Variants in CLINT1 observed in about 807,000 individuals in gnomAD.
CLINT1 encodes the protein clathrin interactor 1.
In CLINT1, 15 loss-of-function variants were observed where a neutral mutation model predicts 70.4. That is an observed-to-expected ratio of 0.21 (90% CI 0.14 to 0.33). The LOEUF is 0.33. Among genes scored for constraint, CLINT1 ranks in the 10% least tolerant of loss-of-function variants. The pLI is 1.00. For synonymous variants in CLINT1, 227 were observed against 254.7 expected (o/e 0.89, Z 1.04); for missense variants, 615 against 778.1 (o/e 0.79, Z 2.49).
At chr5:157,856,882 T>C (rs1223096549) in intron 1 of CLINT1, among the ~76,000 whole-genome samples, 6 of 152,188 alleles carry the variant, frequency 3.9e-5, no homozygotes, top group East Asian at 3.8e-4. Flanking sequence ...ACTACTTACA[T>C]GGCAAATTTA....
Position 157,789,508 on chromosome 5 carries a change from T to C in CLINT1, c.1386A>G (p.Thr462=), listed in dbSNP as rs1222060938. The C allele has an allele frequency of 6.2e-7, 1 of 1,613,976 alleles. No individual in the cohort carries two copies. Among genetic ancestry groups the C allele is most frequent in the Admixed American group, 1.7e-5 (1 of 60,026 alleles). Residue 462 remains threonine (T), a synonymous_variant, in exon 11 of 12, where the codon ACA becomes ACG. Coordinates refer to ENST00000411809, the MANE Select transcript of CLINT1 (RefSeq NM_014666.4). ...TGCTGACTGATTTCTGGACCATATC[T>C]GTATTCTGATTATAGAGAGGATTAG... ...LGLPMSRSQN[T]DMVQKSVSKT...
chr5:157,804,512 A>C (rs1762329156), intron 7 of CLINT1, among the ~76,000 whole-genome samples: 1 of 152,226 alleles, frequency 6.6e-6, no homozygotes, highest in South Asian at 2.1e-4. Flanking sequence ...AAAATACTAT[A>C]TACTGTGATT....
At position 157,814,141 on chromosome 5, in the gene CLINT1, C is replaced by G. The variant is rs1180354581; in HGVS notation, c.352+44G>C. 4.7e-6 allele frequency: 6 copies of G among 1,283,560 alleles called. No homozygotes were observed. In the South Asian group the frequency reaches 7.6e-5, roughly 16 times the overall value. The allele number at this position is 1,283,560 out of a possible 1,614,324, so 79.5% of individuals were successfully genotyped here. On this transcript the variant is annotated intron_variant, in intron 4 of 11. Transcript: ENST00000411809. ...AGCTGGTTCAGGTGACTGACAACTC[C>G]AACTACTGTTTTAATTTGCTTATAA... is the stretch of plus-strand genomic sequence containing the variant.
chr5:157,791,074 T>C (rs1356267334), intron 10 of CLINT1, among the ~76,000 whole-genome samples: 1 of 152,214 alleles, frequency 6.6e-6, no homozygotes, highest in Non-Finnish European at 1.5e-5. Flanking sequence ...TTTCCTTTTT[T>C]TTGAGACGGA....
intron 5 of CLINT1, among the ~76,000 whole-genome samples, chr5:157,810,235 A>G (rs1287534408): frequency 6.6e-6 from 1 of 152,238 alleles, no homozygotes; most frequent in Non-Finnish European, 1.5e-5. Flanking sequence ...GGATAGCAAC[A>G]GTATCTTAAA....
At chr5:157,796,830 G>A (rs925162237) in intron 8 of CLINT1, among the ~76,000 whole-genome samples, 16 of 152,030 alleles carry the variant, frequency 1.1e-4, no homozygotes, top group African/African-American at 3.9e-4. Flanking sequence ...TAGTCAACTA[G>A]CAGCAGGCAT....
intron 8 of CLINT1, among the ~76,000 whole-genome samples, chr5:157,802,413 T>A (rs978546949): frequency 6.6e-6 from 1 of 152,108 alleles, no homozygotes; most frequent in East Asian, 1.9e-4. Context: ...CCTAAAAATA[T>A]CAATTTTCTT....
chr5:157,846,448 TGA>T (rs1753383794), intron 1 of CLINT1, among the ~76,000 whole-genome samples: 1 of 152,142 alleles, frequency 6.6e-6, no homozygotes, highest in African/African-American at 2.4e-5. Flanking sequence ...CTATGAAGGC[TGA>T]GAGAGGTGAG....
chr5:157,840,166 A>G (rs254665), intron 1 of CLINT1, among the ~76,000 whole-genome samples: 75,990 of 139,302 alleles, frequency 0.55, 21,356 homozygotes, highest in East Asian at 0.78. Flanking sequence ...CTGCACTCCA[A>G]CCTGGGCAAC....
rs762507194 is a variant in CLINT1 at position 157,809,813 on chromosome 5, G to A, written c.518-8C>T. The A allele has an allele frequency of 1.2e-5, 19 of 1,603,698 alleles. No homozygotes were observed. The highest frequency in any genetic ancestry group is 5.2e-5 in the Admixed American group (3 of 57,724). ...CAGGATCATATCTTTCACCTAGATA[G>A]AGCATTAAAAAAAGAAGCAATTCTA... On this transcript the variant is annotated splice_polypyrimidine_tract_variant and splice_region_variant and intron_variant, in intron 5 of 11. Coordinates refer to ENST00000411809, the MANE Select transcript of CLINT1 (RefSeq NM_014666.4).
At chr5:157,797,818 A>G (rs947771927) in intron 8 of CLINT1, among the ~76,000 whole-genome samples, 1 of 152,212 alleles carries the variant, frequency 6.6e-6, no homozygotes, top group African/African-American at 2.4e-5. Flanking sequence ...AGTATTTCAG[A>G]TAATTACCTA....
intron 1 of CLINT1, among the ~76,000 whole-genome samples, chr5:157,855,474 A>G (rs1036037545): frequency 2.0e-5 from 3 of 152,164 alleles, no homozygotes; most frequent in Non-Finnish European, 2.9e-5. Context: ...TTCCTGCCAC[A>G]TCGCCTTTTA....
chr5:157,836,709 T>C (rs1180704650), intron 1 of CLINT1, among the ~76,000 whole-genome samples: 1 of 152,202 alleles, frequency 6.6e-6, no homozygotes. Context: ...TCCAGGACCT[T>C]GCTTATTCTA....
At chr5:157,829,673 G>A (rs1464717965) in intron 1 of CLINT1, among the ~76,000 whole-genome samples, 1 of 146,632 alleles carries the variant, frequency 6.8e-6, no homozygotes, top group Admixed American at 6.9e-5. Flanking sequence ...ATAGGTGCAC[G>A]CCACCACACC....
intron 1 of CLINT1, among the ~76,000 whole-genome samples, chr5:157,820,030 A>C (rs1762832440): frequency 2.6e-5 from 4 of 152,236 alleles, no homozygotes; most frequent in Admixed American, 2.0e-4. Context: ...CTTTGGTTGA[A>C]AAACAATGGG....
chr5:157,858,739 G>A (rs1753836119), intron 1 of CLINT1, among the ~76,000 whole-genome samples, 191 bp downstream of exon 1: 1 of 152,054 alleles, frequency 6.6e-6, no homozygotes, highest in Middle Eastern at 3.2e-3. Context: ...TTTTTAAAAC[G>A]AGGGAGGGTC....
chr5:157,800,619 A>T (rs1762181489), intron 8 of CLINT1, among the ~76,000 whole-genome samples: 1 of 152,204 alleles, frequency 6.6e-6, no homozygotes, highest in African/African-American at 2.4e-5. Flanking sequence ...ATTTTAAAAA[A>T]TTCTTCTAAT....
intron 10 of CLINT1, among the ~76,000 whole-genome samples, chr5:157,791,119 C>T (rs986061440): frequency 7.9e-5 from 12 of 152,018 alleles, no homozygotes; most frequent in Non-Finnish European, 1.2e-4. Flanking sequence ...AGTGCAGTGG[C>T]GCGATCTCAG....
intron 8 of CLINT1, among the ~76,000 whole-genome samples, 167 bp downstream of exon 8, chr5:157,803,483 A>T (rs1762288420): frequency 6.6e-6 from 1 of 152,232 alleles, no homozygotes; most frequent in South Asian, 2.1e-4. Flanking sequence ...ATATAAAAAG[A>T]TAAGCAAAAA....
Sources: gnomAD v4.1 joint callset for allele counts (sites outside exome capture counted in the v4.1 genomes callset) on GRCh38, gnomAD v4.1.1 for gene constraint, MANE v1.5 for transcripts, NCBI Gene and HGNC (gene_info 2026-07-23, HGNC 2026-07-21) for gene names.